Variants in HNRNPM observed in about 807,000 individuals in gnomAD.
HNRNPM encodes the protein heterogeneous nuclear ribonucleoprotein M.
Under a neutral mutation model 73.1 loss-of-function variants are expected in HNRNPM, and 11 were observed. The ratio of observed to expected loss-of-function variants is 0.15; its 90% CI spans 0.09 to 0.25. The LOEUF is 0.25. HNRNPM is among the 10% of genes least tolerant of loss of function. The pLI is 1.00. For synonymous variants in HNRNPM, 407 were observed against 355.2 expected (o/e 1.15, Z -1.64); for missense variants, 789 against 1,067.9 (o/e 0.74, Z 3.64).
chr19:8,462,509 G>C lies in HNRNPM; in HGVS notation c.284-20G>C. The C allele has an allele frequency of 6.2e-7, 1 of 1,610,392 alleles. No homozygotes were observed. Among genetic ancestry groups the C allele is most frequent in the South Asian group, 1.1e-5 (1 of 91,014 alleles). On this transcript the variant is annotated intron_variant, in intron 2 of 15. Transcript: ENST00000325495. This position sits in a 1 kb window ranked among gnomAD's most constrained non-coding sequence, Gnocchi z 4.5. Reference sequence around the variant, plus strand: ...GCTTTTCTCCCTTGGTTTATGTGTCGTCTGGAAACTGATTTGTAGTTGGTG... The same window carrying C: ...GCTTTTCTCCCTTGGTTTATGTGTCCTCTGGAAACTGATTTGTAGTTGGTG...
chr19:8,454,016 C>T (rs6603081), intron 1 of HNRNPM, among the ~76,000 whole-genome samples: 132,712 of 152,212 alleles, frequency 0.87, 59,985 homozygotes, highest in South Asian at 0.99. Context: ...TTGCTCAGAC[C>T]CAAGTTTCCC....
intron 1 of HNRNPM, among the ~76,000 whole-genome samples, chr19:8,450,296 A>C (rs577470194): frequency 7.2e-5 from 11 of 152,228 alleles, no homozygotes; most frequent in Non-Finnish European, 1.6e-4. Flanking sequence ...CCTTGATTAG[A>C]AACTCCAAAA....
intron 12 of HNRNPM, among the ~76,000 whole-genome samples, chr19:8,476,524 C>T (rs1460034562): frequency 2.0e-5 from 3 of 151,154 alleles, no homozygotes; most frequent in Non-Finnish European, 4.4e-5. Context: ...CGGCCAGGCG[C>T]GGTGGCTCAC....
Position 8,457,721 on chromosome 19 carries a change from C to T in HNRNPM, c.283+2147C>T, listed in dbSNP as rs1049533860. Among the ~76,000 whole-genome samples the T allele has an allele frequency of 2.0e-5, 3 of 152,260 alleles. No homozygotes were observed. In the Middle Eastern group the frequency reaches 0.01, roughly 518 times the overall value. On this transcript the variant is annotated intron_variant, in intron 2 of 15. Coordinates refer to ENST00000325495, the MANE Select transcript of HNRNPM (RefSeq NM_005968.5). ...TTCTTAAGAAATACTCTTCTTATTA[C>T]GTGCTTTCAAAAAGACGTTTTTATT... is the stretch of plus-strand genomic sequence containing the variant.
chr19:8,484,529 A>C (rs1023043572), intron 13 of HNRNPM, among the ~76,000 whole-genome samples: 3 of 152,150 alleles, frequency 2.0e-5, no homozygotes, highest in Admixed American at 2.0e-4. Context: ...TAGGTTCCTT[A>C]TACTGTGGGG....
chr19:8,468,885 T>C, intron 9 of HNRNPM, 51 bp downstream of exon 9: 1 of 1,411,270 alleles, frequency 7.1e-7, no homozygotes, highest in East Asian at 2.3e-5. Context: ...GTTACACTAA[T>C]AAACAGAAAA....
At chr19:8,459,368 C>T (rs1284399334) in intron 2 of HNRNPM, among the ~76,000 whole-genome samples, 6 of 152,158 alleles carry the variant, frequency 3.9e-5, no homozygotes, top group African/African-American at 1.4e-4. Flanking sequence ...AATTGAGGAG[C>T]GTGGGCTCAG....
Position 8,472,431 on chromosome 19 carries a change from G to A in HNRNPM, c.997+1004G>A, listed in dbSNP as rs369916153. Among the ~76,000 whole-genome samples, 3 of 152,010 alleles carry A rather than the reference G, an allele frequency of 2.0e-5. No individual in the cohort carries two copies. The South Asian group carries it at 6.2e-4, about 32-fold the overall frequency. On this transcript the variant is annotated intron_variant, in intron 10 of 15. Coordinates refer to ENST00000325495, the MANE Select transcript of HNRNPM (RefSeq NM_005968.5). Reference sequence around the variant, plus strand: ...TCACCCTGGGGCTGACTTAAATTCTGGGCCACAACTTCAAATGGCTGTTAA... The same window carrying A: ...TCACCCTGGGGCTGACTTAAATTCTAGGCCACAACTTCAAATGGCTGTTAA...
At chr19:8,473,317 C>T (rs1970283710) in intron 10 of HNRNPM, among the ~76,000 whole-genome samples, 1 of 152,010 alleles carries the variant, frequency 6.6e-6, no homozygotes, top group South Asian at 2.1e-4. Flanking sequence ...AAAGATTAGC[C>T]AGGCGTGGTA....
chr19:8,445,318 G>A, intron 1 of HNRNPM: 1 of 419,136 alleles, frequency 2.4e-6, no homozygotes, highest in Non-Finnish European at 4.1e-6. Flanking sequence ...ACCGGGCCTC[G>A]AGCCTCGCCA....
chr19:8,480,611 C>T (rs911979579), intron 12 of HNRNPM, among the ~76,000 whole-genome samples: 4 of 150,772 alleles, frequency 2.7e-5, no homozygotes, highest in Admixed American at 6.6e-5. Flanking sequence ...TGCAGTGAGC[C>T]GAGATGACAC....
Position 8,488,740 on chromosome 19 carries a change from G to T in HNRNPM, c.2079G>T (p.Gly693=), listed in dbSNP as rs1971499529. The change falls in exon 16 of 16, where the codon GGG becomes GGT. Residue 693 remains glycine (G), a synonymous_variant. Transcript: ENST00000325495. The part of the protein sequence containing the change: ...DIKMENGKSK[G]CGVVKFESPE... ...AGATGGAGAATGGGAAGTCCAAGGG[G>T]TGTGGCGTGGTTAAGTTCGAGTCGC... 1 of 1,614,038 alleles carries T rather than the reference G, an allele frequency of 6.2e-7. No homozygotes were observed. The highest frequency in any genetic ancestry group is 1.3e-5 in the African/African-American group (1 of 74,930).
At position 8,486,466 on chromosome 19, in the gene HNRNPM, G is replaced by A. The variant is rs1971317796; in HGVS notation, c.1977+61G>A. 1.2e-5 allele frequency: 17 copies of A among 1,421,062 alleles called. No individual in the cohort carries two copies. In the South Asian group the frequency reaches 2.1e-4, roughly 18 times the overall value. 88.0% of individuals were successfully genotyped at this position (1,421,062 alleles called of 1,614,324 possible). ...AGCATGAGGGGACAGGGGAGGCAAA[G>A]ATCAGCAGGATGAAGTCAGAGGTGG... On this transcript the variant is annotated intron_variant, in intron 14 of 15. Transcript: ENST00000325495.
chr19:8,468,636 C>A, intron 8 of HNRNPM, 138 bp from the exon 9 acceptor site: 1 of 659,922 alleles, frequency 1.5e-6, no homozygotes, highest in Non-Finnish European at 2.8e-6. Context: ...GCATGCCTTT[C>A]TACCCTTGCG....
At chr19:8,452,216 C>T (rs1018376509) in intron 1 of HNRNPM, among the ~76,000 whole-genome samples, 2 of 152,194 alleles carry the variant, frequency 1.3e-5, no homozygotes, top group Non-Finnish European at 2.9e-5. Flanking sequence ...TTTATTTATA[C>T]ATTTCGTAGT....
chr19:8,473,539 A>AAT, intron 10 of HNRNPM, 125 bp from the exon 11 acceptor site: 1 of 668,416 alleles, frequency 1.5e-6, no homozygotes, highest in South Asian at 1.7e-5. Context: ...AAATATATAA[A>AAT]ATATACTTGT....
At chr19:8,445,358 C>T (rs1968068841) in intron 1 of HNRNPM, 2 of 372,022 alleles carry the variant, frequency 5.4e-6, no homozygotes, top group South Asian at 1.2e-4. Context: ...GGGGCCAACC[C>T]CGTAGTCGAG....
In HNRNPM at chr19:8,485,595, T is replaced by C. The variant is rs1453540532; in HGVS notation, c.1175-8T>C. 2.5e-6 allele frequency: 4 copies of C among 1,594,742 alleles called. No homozygotes were observed. In the African/African-American group the frequency reaches 5.4e-5, roughly 21 times the overall value. ...GACACCCACCTGTGTTTTGTGTCCC[T>C]GTTTCAGGTGGAGGTGGAGGAAGCG... On this transcript the variant is annotated splice_polypyrimidine_tract_variant and splice_region_variant and intron_variant, in intron 13 of 15. Transcript: ENST00000325495.
At chr19:8,474,962 G>T (rs1325400477) in intron 12 of HNRNPM, among the ~76,000 whole-genome samples, 1 of 152,114 alleles carries the variant, frequency 6.6e-6, no homozygotes, top group Non-Finnish European at 1.5e-5. Flanking sequence ...TGATCCGCCC[G>T]CCTCAGCCTC....
Sources: allele counts gnomAD v4.1 joint callset (sites outside exome capture counted in the v4.1 genomes callset), GRCh38; gene constraint gnomAD v4.1.1; non-coding constraint Gnocchi (gnomAD v3.1); transcripts MANE v1.5; gene names NCBI Gene and HGNC (gene_info 2026-07-23, HGNC 2026-07-21).